Variants in G2E3 observed in about 807,000 individuals in gnomAD.
The protein encoded by G2E3 is G2/M-phase specific E3 ubiquitin protein ligase, also known as G2/M phase-specific E3 ubiquitin-protein ligase.
In G2E3, 35 loss-of-function variants were observed where a neutral mutation model predicts 92.8. The observed-to-expected ratio is 0.38, with a 90% CI of 0.29 to 0.50. The LOEUF (loss-of-function observed/expected upper bound fraction) is 0.50. Ranked by LOEUF, G2E3 falls within the 20% of genes least tolerant of loss-of-function variation. The pLI, the probability that G2E3 is intolerant of heterozygous loss-of-function variation, is 0.94. For missense variants in G2E3, 554 were observed against 823.8 expected (o/e 0.67, Z 4.01); for synonymous variants, 242 against 272.4 (o/e 0.89, Z 1.10).
Position 30,586,760 on chromosome 14 carries a change from AC to A in G2E3, c.81del (p.Tyr27Ter). 6.9e-7 allele frequency: 1 copy of A among 1,455,270 alleles called. No individual in the cohort carries two copies. Among genetic ancestry groups the A allele is most frequent in the Non-Finnish European group, 9.4e-7 (1 of 1,066,790 alleles). The allele number at this position is 1,455,270 out of a possible 1,614,324, so 90.1% of individuals were successfully genotyped here. On this transcript the variant is annotated frameshift_variant, in exon 3 of 15. Coordinates refer to ENST00000206595, the MANE Select transcript of G2E3 (RefSeq NM_017769.5). LOFTEE classifies it high-confidence loss of function. ...AAACATGATGACTGTCCTAATAAAT[AC>A]GGAGAAAAGAAAACTAAGGAGAAAT... ...CRKHDDCPNK[Y>X]GEKKTKEKWN...
chr14:30,574,336 G>A (rs1039582754), intron 1 of G2E3, among the ~76,000 whole-genome samples: 1 of 151,906 alleles, frequency 6.6e-6, no homozygotes, highest in Admixed American at 6.6e-5. Context: ...ATGTCCTTTG[G>A]AGCAGTTTTA....
intron 1 of G2E3, among the ~76,000 whole-genome samples, chr14:30,569,597 T>C (rs1247190143): frequency 2.0e-5 from 3 of 152,146 alleles, no homozygotes; most frequent in South Asian, 2.1e-4. Flanking sequence ...CTTTATTGCC[T>C]GAACTGTAGT....
chr14:30,577,791 G>C (rs1880202565), intron 1 of G2E3: 1 of 152,218 alleles, frequency 6.6e-6, no homozygotes, highest in African/African-American at 2.4e-5. Context: ...AGAGGGGCAG[G>C]CTTTACCTTT....
At chr14:30,562,702 G>C (rs895223755) in intron 1 of G2E3, among the ~76,000 whole-genome samples, 1 of 152,054 alleles carries the variant, frequency 6.6e-6, no homozygotes, top group South Asian at 2.1e-4. Context: ...AGGCCTAACC[G>C]TCTCCCTGTG....
chr14:30,583,239 T>C (rs1481309420), intron 2 of G2E3, among the ~76,000 whole-genome samples: 1 of 152,202 alleles, frequency 6.6e-6, no homozygotes, highest in Admixed American at 6.5e-5. Context: ...TCTGTATAAA[T>C]AAACATGTAA....
intron 12 of G2E3, among the ~76,000 whole-genome samples, chr14:30,610,088 A>T (rs1485405121): frequency 6.6e-6 from 1 of 152,180 alleles, no homozygotes; most frequent in Non-Finnish European, 1.5e-5. Context: ...TCATTAGGGC[A>T]TTTAAGACCT....
rs1881582191 is a variant in G2E3, at chr14:30,601,839, G to C, written c.822G>C (p.Arg274=). 3 of 1,613,130 alleles carry C rather than the reference G, an allele frequency of 1.9e-6. No homozygotes were observed. Among genetic ancestry groups the C allele is most frequent in the African/African-American group, 1.3e-5 (1 of 74,998 alleles). Residue 274 remains arginine (R), a synonymous_variant, in exon 9 of 15, where the codon CGG becomes CGC. Transcript: ENST00000206595. ...CACATTTAGCCTGCTCCTCATTACG[G>C]TCATGGGAGCAAAATTGGGAGTGTT... ...SGTHLACSSL[R]SWEQNWECLE... is the part of the protein sequence containing the mutation.
chr14:30,587,605 C>T (rs750932961), intron 3 of G2E3, among the ~76,000 whole-genome samples: 16 of 152,206 alleles, frequency 1.1e-4, no homozygotes, highest in South Asian at 2.1e-4. Flanking sequence ...TGTCAGATTA[C>T]AGCTGAAGAC....
chr14:30,607,626 G>C (rs932664942), intron 11 of G2E3, among the ~76,000 whole-genome samples: 1 of 152,108 alleles, frequency 6.6e-6, no homozygotes, highest in Non-Finnish European at 1.5e-5. Flanking sequence ...GTGCATGACT[G>C]TACACCAAAG....
At chr14:30,615,236 T>TA (rs1882259169) in intron 13 of G2E3, 113 bp from the exon 14 acceptor site, 6 of 577,696 alleles carry the variant, frequency 1.0e-5, no homozygotes, top group Non-Finnish European at 1.8e-5. Context: ...GGTTGTTTTT[T>TA]AAAAATCATT....
At chr14:30,581,990 G>A (rs1260751672) in intron 2 of G2E3, among the ~76,000 whole-genome samples, 3 of 152,102 alleles carry the variant, frequency 2.0e-5, no homozygotes, top group African/African-American at 4.8e-5. Flanking sequence ...TACTTTTAAA[G>A]TATCTTTTGA....
chr14:30,615,763 ATAAGT>A (rs1321716715), intron 14 of G2E3, among the ~76,000 whole-genome samples: 1 of 152,156 alleles, frequency 6.6e-6, no homozygotes, highest in Non-Finnish European at 1.5e-5. Context: ...TTTTCTCTAG[ATAAGT>A]TTAGGTGAAA....
intron 1 of G2E3, among the ~76,000 whole-genome samples, chr14:30,569,607 T>TA (rs1010684267): frequency 1.7e-4 from 26 of 152,216 alleles, no homozygotes; most frequent in African/African-American, 6.3e-4. Flanking sequence ...TGAACTGTAG[T>TA]AAAAAAGATG....
At chr14:30,615,691 T>G (rs781093839) in intron 14 of G2E3, 152 bp downstream of exon 14, 18 of 479,246 alleles carry the variant, frequency 3.8e-5, no homozygotes, top group Non-Finnish European at 6.3e-5. Context: ...CAAAGCAAGT[T>G]TATATGACTG....
rs1264387270 is a variant in G2E3 at position 30,616,396 on chromosome 14, T to C, written c.1983T>C (p.Pro661=). The part of the protein sequence containing the change: ...PSIECLHVDF[P]VGNKCNNCLA... ...TTGAGTGTCTGCATGTGGATTTTCCTGTTGGAAACAAGTGTAATAACTGTT... is the reference window on the plus strand; with the variant it reads ...TTGAGTGTCTGCATGTGGATTTTCCCGTTGGAAACAAGTGTAATAACTGTT... The change falls in exon 15 of 15, where the codon CCT becomes CCC. Residue 661 remains proline, a synonymous_variant. Coordinates refer to ENST00000206595, the MANE Select transcript of G2E3 (RefSeq NM_017769.5). 2.5e-5 allele frequency: 40 copies of C among 1,613,022 alleles called. No homozygotes were observed. Among genetic ancestry groups the C allele is most frequent in the Non-Finnish European group, 3.4e-5 (40 of 1,179,310 alleles).
chr14:30,608,928 G>A (rs1433007027), intron 12 of G2E3, among the ~76,000 whole-genome samples: 6 of 152,176 alleles, frequency 3.9e-5, no homozygotes, highest in Non-Finnish European at 2.9e-5. Context: ...GTTACAGTGA[G>A]CTGAGCTCAC....
intron 11 of G2E3, among the ~76,000 whole-genome samples, chr14:30,606,812 T>C (rs1282107282): frequency 6.6e-6 from 1 of 152,150 alleles, no homozygotes; most frequent in African/African-American, 2.4e-5. Context: ...TTTACTTGTT[T>C]TGGCACATCA....
At chr14:30,562,712 G>A (rs1879184033) in intron 1 of G2E3, among the ~76,000 whole-genome samples, 1 of 152,096 alleles carries the variant, frequency 6.6e-6, no homozygotes, top group Admixed American at 6.5e-5. Flanking sequence ...GTCTCCCTGT[G>A]GTGCTGTGCT....
intron 1 of G2E3, among the ~76,000 whole-genome samples, chr14:30,572,524 A>T (rs1359563620): frequency 6.6e-6 from 1 of 152,046 alleles, no homozygotes; most frequent in African/African-American, 2.4e-5. Flanking sequence ...AGGTTGAGAA[A>T]ATTCCCGTCT....
Sources: gnomAD v4.1 joint callset for allele counts (sites outside exome capture counted in the v4.1 genomes callset) on GRCh38, gnomAD v4.1.1 for gene constraint, MANE v1.5 for transcripts, NCBI Gene and HGNC (gene_info 2026-07-23, HGNC 2026-07-21) for gene names.